The following LIFR variants were observed in gnomAD, a reference collection of about 807,000 sequenced individuals.
LIFR encodes the protein LIF receptor subunit alpha, also known as leukemia inhibitory factor receptor.
LIFR carries 84 observed loss-of-function variants against 122.2 expected under a neutral mutation model. That is an observed-to-expected ratio of 0.69 (90% CI 0.58 to 0.82). The LOEUF (loss-of-function observed/expected upper bound fraction) is 0.82, where lower values mean the gene tolerates loss of function less well. Ranked by LOEUF, LIFR falls within the 40% of genes least tolerant of loss-of-function variation. LIFR has a pLI of 0.00. For synonymous variants in LIFR, 422 were observed against 434.7 expected (o/e 0.97, Z 0.36); for missense variants, 1,294 against 1,311.6 (o/e 0.99, Z 0.21).
At chr5:38,543,781 A>G (rs988501131) in intron 1 of LIFR, among the ~76,000 whole-genome samples, 3 of 152,146 alleles carry the variant, frequency 2.0e-5, no homozygotes, top group African/African-American at 4.8e-5. Flanking sequence ...ATTAAAATCT[A>G]TATGTGGTAA....
chr5:38,598,233 A>AT (rs1750151838), upstream of LIFR, among the ~76,000 whole-genome samples: 8 of 31,968 alleles, frequency 2.5e-4, no homozygotes, highest in South Asian at 2.2e-3. Flanking sequence ...TTTTTTTTTT[A>AT]TTTATTTATT....
In LIFR at chr5:38,484,818, C is replaced by A. The variant is rs1466625336; in HGVS notation, c.2548G>T (p.Val850Phe). 5 of 1,613,664 alleles carry A rather than the reference C, an allele frequency of 3.1e-6. No homozygotes were observed. The highest frequency in any genetic ancestry group is 1.3e-5 in the African/African-American group (1 of 74,904). The change falls in exon 18 of 20, where the codon GTT (valine) becomes TTT (phenylalanine). Residue 850 changes from valine to phenylalanine, a missense_variant. Val to Phe is a conservative substitution (Grantham distance 50). Transcript: ENST00000453190. ...ILIPVAVAVI[V>F]GVVTSILCYR... ...CAAAGGATACTTGTCACCACTCCAA[C>A]AATGACAGCCACTGCCACTGGGATG...
At chr5:38,591,875 A>G (rs1230255033) in intron 1 of LIFR, among the ~76,000 whole-genome samples, 1 of 152,200 alleles carries the variant, frequency 6.6e-6, no homozygotes, top group Non-Finnish European at 1.5e-5. Context: ...ATTTTGATCT[A>G]GAAGACACCT....
At chr5:38,517,805 C>T (rs542124339) in intron 5 of LIFR, among the ~76,000 whole-genome samples, 2 of 128,668 alleles carry the variant, frequency 1.6e-5, no homozygotes, top group Admixed American at 9.6e-5. Context: ...TGCAGTGAGC[C>T]GAGATCATGC....
intron 1 of LIFR, among the ~76,000 whole-genome samples, chr5:38,574,325 T>G (rs950546452): frequency 1.3e-5 from 2 of 152,124 alleles, no homozygotes; most frequent in Non-Finnish European, 2.9e-5. Context: ...ACCCCAATTC[T>G]TGGCCTGGCT....
Position 38,482,095 on chromosome 5 carries a change from G to A in LIFR, c.2794C>T (p.Arg932Cys), listed in dbSNP as rs780275393. The A allele has an allele frequency of 4.4e-6, 7 of 1,594,088 alleles. No individual in the cohort carries two copies. The Admixed American group carries it at 5.3e-5, about 12-fold the overall frequency. The change falls in exon 20 of 20, where the codon CGT becomes TGT. Residue 932 changes from arginine to cysteine, a missense_variant. Arg to Cys is a radical substitution (Grantham distance 180, BLOSUM62 -3). Transcript: ENST00000453190. ...TCTGCATCAGAGCGATCTTCAGGACGCTCAGCTACTGGGGAAATTATTTCT... is the reference window on the plus strand; with the variant it reads ...TCTGCATCAGAGCGATCTTCAGGACACTCAGCTACTGGGGAAATTATTTCT... ...DTEIISPVAERPEDRSDAEPE... is the reference protein window; with the variant it reads ...DTEIISPVAECPEDRSDAEPE...
chr5:38,581,487 C>T (rs1314434790), intron 1 of LIFR, among the ~76,000 whole-genome samples: 3 of 152,200 alleles, frequency 2.0e-5, no homozygotes, highest in Non-Finnish European at 4.4e-5. Context: ...AATCAGCTTT[C>T]CTAAGGTACG....
intron 2 of LIFR, among the ~76,000 whole-genome samples, chr5:38,605,091 A>G (rs1174925699): frequency 2.0e-5 from 3 of 152,176 alleles, no homozygotes; most frequent in South Asian, 2.1e-4. Flanking sequence ...AGAATAGACT[A>G]TAAAGGTTTC....
intron 14 of LIFR, among the ~76,000 whole-genome samples, chr5:38,492,250 T>C (rs753222586): frequency 3.0e-4 from 46 of 152,220 alleles, no homozygotes; most frequent in Non-Finnish European, 6.2e-4. Context: ...CTTTGTGTCT[T>C]TGTTCAATTG....
intron 3 of LIFR, among the ~76,000 whole-genome samples, chr5:38,528,264 C>A (rs1377775712): frequency 1.3e-5 from 2 of 152,206 alleles, no homozygotes; most frequent in African/African-American, 4.8e-5. Flanking sequence ...TGCACAAAAA[C>A]CACAGCCTTG....
chr5:38,494,918 T>C (rs186433854), intron 13 of LIFR, among the ~76,000 whole-genome samples: 14 of 152,312 alleles, frequency 9.2e-5, no homozygotes, highest in Non-Finnish European at 1.9e-4. Flanking sequence ...CTGATTTATA[T>C]TTAAGGGTTC....
At position 38,493,832 on chromosome 5, in the gene LIFR, A is replaced by G. The variant is rs1744730529; in HGVS notation, c.1886-47T>C. 12 of 1,476,110 alleles carry G rather than the reference A, an allele frequency of 8.1e-6. No homozygotes were observed. In the African/African-American group the frequency reaches 1.1e-4, roughly 14 times the overall value. 91.4% of individuals were successfully genotyped at this position (1,476,110 alleles called of 1,614,324 possible). ...TTTTACTGGCATTAAAAACAATAAT[A>G]TAAGGCAAATCTCATAAAAATGGAC... On this transcript the variant is annotated intron_variant, in intron 13 of 19. Coordinates refer to ENST00000453190, the MANE Select transcript of LIFR (RefSeq NM_001127671.2).
At chr5:38,601,073 C>T (rs566728186) in intron 2 of LIFR, among the ~76,000 whole-genome samples, 5 of 152,262 alleles carry the variant, frequency 3.3e-5, no homozygotes, top group South Asian at 4.2e-4. Context: ...CTCATGATTT[C>T]GCTCCCCTCT....
intron 10 of LIFR, among the ~76,000 whole-genome samples, chr5:38,503,337 T>C (rs767841587): frequency 6.6e-6 from 1 of 152,152 alleles, no homozygotes; most frequent in African/African-American, 2.4e-5. Flanking sequence ...TAAGTAAATA[T>C]AGTTAAAATG....
intron 11 of LIFR, among the ~76,000 whole-genome samples, 188 bp from the exon 12 acceptor site, chr5:38,499,771 G>C (rs902482758): frequency 6.6e-6 from 1 of 152,022 alleles, no homozygotes; most frequent in Non-Finnish European, 1.5e-5. Flanking sequence ...CGGCCCCCTC[G>C]AATGGGTGAA....
intron 16 of LIFR, among the ~76,000 whole-genome samples, chr5:38,488,529 T>G (rs1267037791): frequency 6.6e-6 from 1 of 152,210 alleles, no homozygotes; most frequent in African/African-American, 2.4e-5. Flanking sequence ...TATTTGTAAA[T>G]CTGAGAATTC....
At chr5:38,606,978 CA>C (rs948762106) in intron 1 of LIFR, among the ~76,000 whole-genome samples, 3 of 151,178 alleles carry the variant, frequency 2.0e-5, no homozygotes, top group Non-Finnish European at 4.4e-5. Context: ...TGTTTTTAAA[CA>C]AAAAAAAATT....
upstream of LIFR, chr5:38,557,011 GC>G (rs1748616519): frequency 6.6e-6 from 1 of 152,258 alleles, no homozygotes; most frequent in East Asian, 1.9e-4. Context: ...CGCTGCTGCC[GC>G]TGCAAACAGT....
At chr5:38,599,329 C>T (rs1175402052), upstream of LIFR, among the ~76,000 whole-genome samples, 1 of 152,220 alleles carries the variant, frequency 6.6e-6, no homozygotes, top group African/African-American at 2.4e-5. Context: ...TGACCCCAAA[C>T]TGGACTTTCT....
Sources: allele counts gnomAD v4.1 joint callset (sites outside exome capture counted in the v4.1 genomes callset), GRCh38; gene constraint gnomAD v4.1.1; transcripts MANE v1.5; gene names NCBI Gene and HGNC (gene_info 2026-07-23, HGNC 2026-07-21).